The following ENAH variants were observed in gnomAD, a reference collection of about 807,000 sequenced individuals.
The protein encoded by ENAH is protein enabled homolog.
ENAH carries 23 observed loss-of-function variants against 78.7 expected under a neutral mutation model. The ratio of observed to expected loss-of-function variants is 0.29; its 90% confidence interval spans 0.21 to 0.41. The LOEUF is 0.41. ENAH is among the 10% of genes least tolerant of loss of function. The probability of loss-of-function intolerance (pLI) is 1.00; values close to 1 mark genes in which losing one functional copy is unlikely to be tolerated. For synonymous variants in ENAH, 226 were observed against 241.0 expected, an observed-to-expected ratio of 0.94 and a Z score of 0.58; for missense variants, 544 against 691.0, an observed-to-expected ratio of 0.79 and a Z score of 2.39.
intron 1 of ENAH, among the ~76,000 whole-genome samples, chr1:225,644,854 T>C (rs572825889): frequency 1.3e-5 from 2 of 152,308 alleles, no homozygotes; most frequent in Middle Eastern, 6.8e-3. Context: ...GACAAAACTT[T>C]TGGTATTTGA....
rs1663280244 is a variant in ENAH at position 225,652,749 on chromosome 1, A to G, written c.-59T>C. 14 of 1,292,142 alleles carry G rather than the reference A, an allele frequency of 1.1e-5. No individual in the cohort carries two copies. Among genetic ancestry groups the G allele is most frequent in the Non-Finnish European group, 1.3e-5 (13 of 1,020,378 alleles). The allele number at this position is 1,292,142 out of a possible 1,614,324, so 80.0% of individuals were successfully genotyped here. ...GGGAGACGCAGAAGGCGCCGAGCCG[A>G]GGGGGGGGTCTCTCCTCCAGGGGTG... On this transcript the variant is annotated 5_prime_UTR_variant, in exon 1 of 14. Transcript: ENST00000366843.
chr1:225,631,791 G>A (rs1659125161), intron 1 of ENAH, among the ~76,000 whole-genome samples: 2 of 150,456 alleles, frequency 1.3e-5, no homozygotes, highest in African/African-American at 4.9e-5. Flanking sequence ...TCTAGCAAGA[G>A]TTAGTTGTTT....
At chr1:225,554,217 T>C (rs2096655381) in intron 3 of ENAH, among the ~76,000 whole-genome samples, 1 of 152,218 alleles carries the variant, frequency 6.6e-6, no homozygotes, top group African/African-American at 2.4e-5. Context: ...TTCCTGATTA[T>C]AAAATCTCTC....
intron 1 of ENAH, among the ~76,000 whole-genome samples, chr1:225,593,400 T>TGGGGGGGGG (rs1456095465): frequency 4.9e-5 from 1 of 20,460 alleles, no homozygotes; most frequent in Admixed American, 6.7e-4. Context: ...TGTGTGTGTG[T>TGGGGGGGGG]GGGGGGGGGG....
intron 4 of ENAH, among the ~76,000 whole-genome samples, chr1:225,526,069 C>T (rs1029824271): frequency 6.6e-6 from 1 of 152,118 alleles, no homozygotes; most frequent in African/African-American, 2.4e-5. Context: ...TGGCCCTTCC[C>T]AGAAAAAGTT....
At chr1:225,537,722 CTTT>C (rs11321329) in intron 3 of ENAH, among the ~76,000 whole-genome samples, 4 of 146,978 alleles carry the variant, frequency 2.7e-5, no homozygotes, top group African/African-American at 2.5e-5. Context: ...GGCCTATTGA[CTTT>C]TTTTTTTTTT....
intron 1 of ENAH, among the ~76,000 whole-genome samples, chr1:225,646,373 C>T (rs923971612): frequency 6.6e-6 from 1 of 152,122 alleles, no homozygotes; most frequent in Non-Finnish European, 1.5e-5. Context: ...GAAATCCCCC[C>T]TCATCTCCCC....
At chr1:225,604,100 A>C (rs1350293506) in intron 1 of ENAH, among the ~76,000 whole-genome samples, 1 of 152,236 alleles carries the variant, frequency 6.6e-6, no homozygotes, top group East Asian at 1.9e-4. Flanking sequence ...AGAATCTTTA[A>C]TAACACTACA....
intron 1 of ENAH, among the ~76,000 whole-genome samples, chr1:225,603,990 AG>A (rs2096942472): frequency 6.6e-6 from 1 of 152,228 alleles, no homozygotes; most frequent in African/African-American, 2.4e-5. Context: ...CCAGGTTTTC[AG>A]GGGTCACTCA....
chr1:225,510,642 G>C (rs2096369160), intron 10 of ENAH, among the ~76,000 whole-genome samples: 1 of 150,916 alleles, frequency 6.6e-6, no homozygotes, highest in African/African-American at 2.4e-5. Context: ...AATGAGGAAT[G>C]GGGGGAGTGG....
chr1:225,548,795 C>A (rs1244407215), intron 3 of ENAH, among the ~76,000 whole-genome samples: 1 of 151,980 alleles, frequency 6.6e-6, no homozygotes, highest in African/African-American at 2.4e-5. Context: ...AAAAGACTGT[C>A]CCCACCTACC....
intron 4 of ENAH, among the ~76,000 whole-genome samples, chr1:225,529,353 T>C (rs1232924294): frequency 2.0e-5 from 3 of 152,126 alleles, no homozygotes; most frequent in Admixed American, 6.6e-5. Flanking sequence ...TGCACTTACA[T>C]AGGTATCTGC....
At chr1:225,588,730 G>A (rs1575624808) in intron 1 of ENAH, among the ~76,000 whole-genome samples, 1 of 149,836 alleles carries the variant, frequency 6.7e-6, no homozygotes, top group Non-Finnish European at 1.5e-5. Flanking sequence ...GCCTGAACAT[G>A]GGAGGCGGAG....
intron 1 of ENAH, among the ~76,000 whole-genome samples, chr1:225,629,685 A>G (rs1171050760): frequency 6.6e-6 from 1 of 152,156 alleles, no homozygotes; most frequent in African/African-American, 2.4e-5. Flanking sequence ...TACATGGCAG[A>G]AAAAAAGCAG....
At chr1:225,615,729 A>G (rs1224289185) in intron 1 of ENAH, among the ~76,000 whole-genome samples, 33 of 100,114 alleles carry the variant, frequency 3.3e-4, no homozygotes, top group African/African-American at 5.6e-4. Context: ...TCTCTGCCCG[A>G]CCGCCACCCC....
chr1:225,591,542 G>A (rs1244706284), intron 1 of ENAH, among the ~76,000 whole-genome samples: 1 of 150,276 alleles, frequency 6.7e-6, no homozygotes, highest in African/African-American at 2.4e-5. Context: ...CAAGGTGGGC[G>A]GATCACGAGG....
rs2096212339 is a variant in ENAH, at chr1:225,489,326, G to A, written c.*8449C>T. On this transcript the variant is annotated 3_prime_UTR_variant, in exon 14 of 14. Transcript: ENST00000366843. ...GTACTGAAGCCACCACAGAGATGCT[G>A]GTAATTCAAACTGTGAAAGCACGTG... is the stretch of plus-strand genomic sequence containing the variant. The A allele has an allele frequency of 6.6e-6, 1 of 152,096 alleles. No individual in the cohort carries two copies. The allele number at this position is 152,096 out of a possible 1,614,324, so 9.4% of individuals were successfully genotyped here.
At chr1:225,554,196 A>C (rs560214773) in intron 3 of ENAH, among the ~76,000 whole-genome samples, 1 of 152,336 alleles carries the variant, frequency 6.6e-6, no homozygotes, top group South Asian at 2.1e-4. Flanking sequence ...GTTTTCATGT[A>C]TAACAATTAT....
intron 1 of ENAH, among the ~76,000 whole-genome samples, chr1:225,635,525 T>C (rs1286083517): frequency 1.3e-5 from 2 of 152,234 alleles, no homozygotes; most frequent in African/African-American, 4.8e-5. Flanking sequence ...CCTCTGTATC[T>C]GTCACCTGAG....
Sources: allele counts gnomAD v4.1 joint callset (sites outside exome capture counted in the v4.1 genomes callset), GRCh38; gene constraint gnomAD v4.1.1; transcripts MANE v1.5; gene names NCBI Gene and HGNC (gene_info 2026-07-23, HGNC 2026-07-21).